The following KTN1 variants were observed in gnomAD, a reference collection of about 807,000 sequenced individuals.
KTN1 encodes kinectin.
In KTN1, 130 loss-of-function variants were observed where a neutral mutation model predicts 222.5. The observed-to-expected ratio is 0.58, with a 90% CI of 0.51 to 0.68. The LOEUF (loss-of-function observed/expected upper bound fraction) is 0.68. Among genes scored for constraint, KTN1 ranks in the 30% least tolerant of loss-of-function variants. The pLI is 0.00. For missense variants in KTN1, 1,508 were observed against 1,500.4 expected, an observed-to-expected ratio of 1.01 and a Z score of -0.08; for synonymous variants, 512 against 496.3, an observed-to-expected ratio of 1.03 and a Z score of -0.42.
At chr14:55,628,798 GTGACTATA>G (rs1012684784) in intron 6 of KTN1, among the ~76,000 whole-genome samples, 4 of 152,088 alleles carry the variant, frequency 2.6e-5, no homozygotes, top group Non-Finnish European at 2.9e-5. Flanking sequence ...ATAGTTTTTT[GTGACTATA>G]TGACTATATA....
At chr14:55,637,656 C>G in intron 11 of KTN1, 123 bp from the exon 12 acceptor site, 2 of 686,394 alleles carry the variant, frequency 2.9e-6, no homozygotes, top group South Asian at 2.3e-5. Context: ...CTTTTGGAAT[C>G]TAAGAATGCC....
chr14:55,651,570 A>G, intron 24 of KTN1: 1 of 367,002 alleles, frequency 2.7e-6, no homozygotes, highest in East Asian at 6.2e-5. Flanking sequence ...CAACTGATTG[A>G]TCACAACCAG....
intron 18 of KTN1, among the ~76,000 whole-genome samples, chr14:55,642,564 G>T (rs555467238): frequency 6.6e-6 from 1 of 152,272 alleles, no homozygotes; most frequent in South Asian, 2.1e-4. Context: ...GTTTGCGTTT[G>T]TTCCTAATAT....
In KTN1 at chr14:55,619,165, G is replaced by T. The variant is rs2038796498; in HGVS notation, c.833-17G>T. ...TTAAATGCCAACTCTTTGTTTGTTT[G>T]TTTTTTTCAAATTAAGAAAATGCTG... On this transcript the variant is annotated splice_polypyrimidine_tract_variant and intron_variant, in intron 4 of 43. Transcript: ENST00000395314. The T allele has an allele frequency of 1.9e-6, 3 of 1,585,758 alleles. No individual in the cohort carries two copies. Among genetic ancestry groups the T allele is most frequent in the African/African-American group, 1.4e-5 (1 of 73,696 alleles).
chr14:55,581,546 A>G (rs980320713), intron 1 of KTN1, among the ~76,000 whole-genome samples: 4 of 152,018 alleles, frequency 2.6e-5, no homozygotes, highest in African/African-American at 9.7e-5. Flanking sequence ...GTGTGTGATG[A>G]CTTTGTGGAA....
intron 7 of KTN1, among the ~76,000 whole-genome samples, chr14:55,631,099 GA>G (rs779654534): frequency 7.4e-4 from 111 of 150,120 alleles, no homozygotes; most frequent in Non-Finnish European, 1.4e-3. Context: ...CTAGACCAGT[GA>G]ATTTTTTTTT....
At chr14:55,581,605 A>G (rs2031666756) in intron 1 of KTN1, among the ~76,000 whole-genome samples, 1 of 152,218 alleles carries the variant, frequency 6.6e-6, no homozygotes, top group Admixed American at 6.5e-5. Context: ...AAAGATAAGC[A>G]TCTTCGGTGA....
At chr14:55,585,873 C>T (rs2032879014) in intron 1 of KTN1, among the ~76,000 whole-genome samples, 1 of 152,106 alleles carries the variant, frequency 6.6e-6, no homozygotes, top group African/African-American at 2.4e-5. Context: ...TCATAGCAGC[C>T]TATAATTACT....
rs76651493 is a variant in KTN1, at chr14:55,581,473, G to T, written c.-31+1119G>T. ...TGTGTGTGTGTGAGTGTGTGTGTGT[G>T]ATGACTTTGTGGAAAGCCTTGAGTA... On this transcript the variant is annotated intron_variant, in intron 1 of 43. Transcript: ENST00000395314. Among the ~76,000 whole-genome samples, 641 of 152,220 alleles carry T rather than the reference G, an allele frequency of 4.2e-3. 2 individuals are homozygous for T. The highest frequency in any genetic ancestry group is 0.017 in the Middle Eastern group (5 of 294).
At chr14:55,653,832 T>G (rs1412474834) in intron 28 of KTN1, among the ~76,000 whole-genome samples, 1 of 152,196 alleles carries the variant, frequency 6.6e-6, no homozygotes, top group Non-Finnish European at 1.5e-5. Context: ...ATTTTTTCAA[T>G]TATTCTTTCT....
At position 55,630,331 on chromosome 14, in the gene KTN1, G is replaced by A. The variant is rs920497700; in HGVS notation, c.1221+234G>A. On this transcript the variant is annotated intron_variant, in intron 7 of 43. Transcript: ENST00000395314. ...GTATTGGCGACTTTAGAGCAATGGT[G>A]ATGGGAGGTAAGGAAGAAAAGGATT... is the stretch of plus-strand genomic sequence containing the variant. Among the ~76,000 whole-genome samples the A allele has an allele frequency of 3.9e-5, 6 of 152,230 alleles. No homozygotes were observed. The East Asian group carries it at 1.2e-3, about 29-fold the overall frequency.
intron 1 of KTN1, among the ~76,000 whole-genome samples, chr14:55,597,887 T>C (rs1173105331): frequency 6.6e-6 from 1 of 151,958 alleles, no homozygotes; most frequent in East Asian, 1.9e-4. Flanking sequence ...TGTAGGAATG[T>C]AGAAATTAAA....
intron 41 of KTN1, among the ~76,000 whole-genome samples, chr14:55,677,164 A>G (rs1207674287): frequency 6.6e-6 from 1 of 152,190 alleles, no homozygotes; most frequent in African/African-American, 2.4e-5. Flanking sequence ...GGAAAAGCAC[A>G]TAAATATTTG....
intron 5 of KTN1, 131 bp downstream of exon 5, chr14:55,619,443 C>T (rs1320784999): frequency 1.2e-6 from 1 of 802,878 alleles, no homozygotes; most frequent in Non-Finnish European, 2.0e-6. Context: ...GGAATGCCTT[C>T]AGAAATTACT....
intron 31 of KTN1, among the ~76,000 whole-genome samples, chr14:55,660,787 A>G (rs2044054202): frequency 6.6e-6 from 1 of 152,224 alleles, no homozygotes; most frequent in African/African-American, 2.4e-5. Context: ...ATGTGTGTAC[A>G]TGTATAAATA....
intron 1 of KTN1, among the ~76,000 whole-genome samples, chr14:55,593,176 T>TTTGCTAC (rs2140379819): frequency 6.6e-6 from 1 of 152,280 alleles, no homozygotes; most frequent in East Asian, 1.9e-4. Flanking sequence ...TGGCAACCCT[T>TTTGCTAC]TTGCTACTTA....
intron 25 of KTN1, among the ~76,000 whole-genome samples, chr14:55,652,246 A>T (rs1425497604): frequency 6.6e-6 from 1 of 152,166 alleles, no homozygotes; most frequent in Non-Finnish European, 1.5e-5. Context: ...TAAGTTTTCC[A>T]AATTTGTTTG....
intron 18 of KTN1, among the ~76,000 whole-genome samples, 154 bp from the exon 19 acceptor site, chr14:55,646,819 T>G (rs1456727847): frequency 6.6e-6 from 1 of 152,128 alleles, no homozygotes; most frequent in East Asian, 1.9e-4. Flanking sequence ...GTTTTCTGAA[T>G]TTTTTAATTA....
intron 5 of KTN1, among the ~76,000 whole-genome samples, chr14:55,626,820 C>T (rs2039889826): frequency 6.6e-6 from 1 of 151,824 alleles, no homozygotes; most frequent in Non-Finnish European, 1.5e-5. Flanking sequence ...TAGTTGCTCC[C>T]TTTGAGTGAT....
Sources: allele counts gnomAD v4.1 joint callset (sites outside exome capture counted in the v4.1 genomes callset), GRCh38; gene constraint gnomAD v4.1.1; transcripts MANE v1.5; gene names NCBI Gene and HGNC (gene_info 2026-07-23, HGNC 2026-07-21).